The following GNG2 variants were observed in gnomAD, a reference collection of about 807,000 sequenced individuals.
The protein encoded by GNG2 is G protein subunit gamma 2.
GNG2 carries 5 observed loss-of-function variants against 5.5 expected under a neutral mutation model. That is an observed-to-expected ratio of 0.91 (90% CI 0.48 to 1.92). The LOEUF is 1.92. Among genes scored for constraint, GNG2 ranks in the 30% most tolerant of loss-of-function variants. GNG2 has a pLI of 0.01. For missense variants in GNG2, 55 were observed against 88.4 expected (o/e 0.62, Z 1.52); for synonymous variants, 28 against 32.0 (o/e 0.88, Z 0.42).
At chr14:51,925,540 A>G (rs570978044) in intron 2 of GNG2, among the ~76,000 whole-genome samples, 71 of 152,300 alleles carry the variant, frequency 4.7e-4, no homozygotes, top group African/African-American at 1.7e-3. Context: ...TCCTCTGAAA[A>G]TCGGAGGATA....
At chr14:51,855,282 T>TCC (rs1183059857) in intron 2 of GNG2, among the ~76,000 whole-genome samples, 4 of 152,208 alleles carry the variant, frequency 2.6e-5, no homozygotes, top group Non-Finnish European at 5.9e-5. Flanking sequence ...CCACTAGCTT[T>TCC]CGTGCTGGGC....
At chr14:51,934,897 A>G (rs1887885787) in intron 2 of GNG2, among the ~76,000 whole-genome samples, 1 of 152,190 alleles carries the variant, frequency 6.6e-6, no homozygotes, top group Admixed American at 6.5e-5. Flanking sequence ...ATTAAAGTGC[A>G]GAGACGTTCT....
chr14:51,840,004 G>A (rs543104755), intron 2 of GNG2, among the ~76,000 whole-genome samples: 10 of 152,264 alleles, frequency 6.6e-5, no homozygotes, highest in African/African-American at 2.2e-4. Flanking sequence ...CTTGCAATAA[G>A]CATTAGAAAT....
intron 2 of GNG2, among the ~76,000 whole-genome samples, chr14:51,912,476 G>A (rs1257476080): frequency 6.6e-6 from 1 of 152,110 alleles, no homozygotes; most frequent in African/African-American, 2.4e-5. Flanking sequence ...TGTTGCTACG[G>A]CTGCCCTGGT....
At chr14:51,884,831 A>G (rs970098538) in intron 2 of GNG2, among the ~76,000 whole-genome samples, 1 of 152,230 alleles carries the variant, frequency 6.6e-6, no homozygotes, top group African/African-American at 2.4e-5. Context: ...AGGAAGCCTC[A>G]GTATTTCATC....
intron 1 of GNG2, among the ~76,000 whole-genome samples, chr14:51,862,128 G>A (rs896056114): frequency 1.3e-5 from 2 of 152,042 alleles, no homozygotes; most frequent in Non-Finnish European, 2.9e-5. Flanking sequence ...TTATGAAATC[G>A]ATATGGCTTC....
chr14:51,904,937 G>A (rs1045847487), intron 2 of GNG2, among the ~76,000 whole-genome samples: 4 of 152,196 alleles, frequency 2.6e-5, no homozygotes, highest in Non-Finnish European at 4.4e-5. Context: ...AGGACATTAC[G>A]GTTTGGATAT....
Position 51,876,939 on chromosome 14 carries a change from T to A in GNG2, c.-70-678T>A, listed in dbSNP as rs114780848. ...CCCTTTGAGCTGAGTGCTCTAAAGC[T>A]TTTCAGGAATAAAGAAGCTCATCTA... On this transcript the variant is annotated intron_variant, in intron 1 of 3. Transcript: ENST00000556766. 7.4e-3 allele frequency among the ~76,000 whole-genome samples: 1,123 copies of A among 151,398 alleles called. 6 individuals carry two copies. The highest frequency in any genetic ancestry group is 0.019 in the African/African-American group (765 of 41,226).
chr14:51,851,031 C>A (rs141603692), intron 2 of GNG2, among the ~76,000 whole-genome samples: 8 of 152,186 alleles, frequency 5.3e-5, no homozygotes, highest in African/African-American at 1.9e-4. Context: ...GCCAACCCAC[C>A]GTGGAGCTTA....
At chr14:51,944,158 G>T (rs1888507274) in intron 2 of GNG2, among the ~76,000 whole-genome samples, 1 of 152,114 alleles carries the variant, frequency 6.6e-6, no homozygotes, top group Non-Finnish European at 1.5e-5. Flanking sequence ...ATGGTCAAAT[G>T]ATTTTTGAGA....
chr14:51,916,284 G>A (rs534433977), intron 2 of GNG2: 20 of 277,908 alleles, frequency 7.2e-5, no homozygotes, highest in South Asian at 5.1e-4. Flanking sequence ...TCAGCTAGAC[G>A]AAAACACAGA....
At chr14:51,835,517 C>T (rs1881306539) in intron 2 of GNG2, among the ~76,000 whole-genome samples, 1 of 152,200 alleles carries the variant, frequency 6.6e-6, no homozygotes, top group African/African-American at 2.4e-5. Context: ...ACCCACACCA[C>T]CCCCTACCTT....
chr14:51,883,257 C>A (rs1455050650), intron 2 of GNG2, among the ~76,000 whole-genome samples: 1 of 152,176 alleles, frequency 6.6e-6, no homozygotes, highest in Admixed American at 6.5e-5. Flanking sequence ...GGTTTAGAGA[C>A]AACCATTTTA....
In GNG2 at chr14:51,920,098, G is replaced by A. The variant is rs550125367; in HGVS notation, c.-29-30552G>A. On this transcript the variant is annotated intron_variant, in intron 2 of 3. Transcript: ENST00000556766. ...CTGGCCCTTTGTATCTGAGGGTTCT[G>A]CATCTGAGAATTCAACCAATGTTGG... 5.3e-5 allele frequency among the ~76,000 whole-genome samples: 8 copies of A among 152,254 alleles called. No individual in the cohort carries two copies. The South Asian group carries it at 1.7e-3, about 32-fold the overall frequency.
chr14:51,826,496 G>A (rs114306652), intron 1 of GNG2, among the ~76,000 whole-genome samples: 1,993 of 152,188 alleles, frequency 0.013, 40 homozygotes, highest in African/African-American at 0.041. Flanking sequence ...GTGGTTGGGA[G>A]GCAGGGGTGG....
upstream of GNG2, among the ~76,000 whole-genome samples, chr14:51,857,454 A>G (rs1882215320): frequency 6.6e-6 from 1 of 152,208 alleles, no homozygotes; most frequent in African/African-American, 2.4e-5. Context: ...TGCCATGCAG[A>G]GGAATTAAGG....
At position 51,906,269 on chromosome 14, in the gene GNG2, T is replaced by A. The variant is rs564038860; in HGVS notation, c.-30+28612T>A. 4.4e-3 allele frequency among the ~76,000 whole-genome samples: 674 copies of A among 152,346 alleles called. 2 individuals carry two copies. In the Middle Eastern group the frequency reaches 0.048, roughly 11 times the overall value. On this transcript the variant is annotated intron_variant, in intron 2 of 3. Coordinates refer to ENST00000556766, the MANE Select transcript of GNG2 (RefSeq NM_053064.5). ...TATTTCATATTAAGCTTTGTTTTTTTAAAAAACCTACTAGGAATGAAGACA... is the reference window on the plus strand; with the variant it reads ...TATTTCATATTAAGCTTTGTTTTTTAAAAAAACCTACTAGGAATGAAGACA...
chr14:51,893,402 G>A (rs1026053032), intron 2 of GNG2, among the ~76,000 whole-genome samples: 46 of 152,026 alleles, frequency 3.0e-4, no homozygotes, highest in African/African-American at 9.9e-4. Flanking sequence ...TGTGAATGTC[G>A]TTTTGAATCC....
intron 2 of GNG2, among the ~76,000 whole-genome samples, chr14:51,905,775 ATCC>A (rs1348104098): frequency 4.9e-4 from 75 of 152,196 alleles, no homozygotes; most frequent in Non-Finnish European, 8.7e-4. Context: ...AGTTTCCCCC[ATCC>A]TGTTGTTATG....
Sources: gnomAD v4.1 joint callset for allele counts (sites outside exome capture counted in the v4.1 genomes callset) on GRCh38, gnomAD v4.1.1 for gene constraint, MANE v1.5 for transcripts, NCBI Gene and HGNC (gene_info 2026-07-23, HGNC 2026-07-21) for gene names.